The following SYTL3 variants were observed in gnomAD, a reference collection of about 807,000 sequenced individuals.
SYTL3 encodes the protein synaptotagmin-like protein 3.
SYTL3 carries 88 observed loss-of-function variants against 82.1 expected under a neutral mutation model. The observed-to-expected ratio is 1.07, with a 90% CI of 0.90 to 1.28. The LOEUF is 1.28. Among genes scored for constraint, SYTL3 ranks in the 50% most tolerant of loss-of-function variants. The pLI is 0.00. For missense variants in SYTL3, 831 were observed against 757.6 expected, an observed-to-expected ratio of 1.10 and a Z score of -1.14; for synonymous variants, 311 against 289.4, an observed-to-expected ratio of 1.07 and a Z score of -0.76.
rs575482122 is a variant in SYTL3 at position 158,764,639 on chromosome 6, G to A, written c.*35G>A. 8.1e-6 allele frequency: 12 copies of A among 1,477,260 alleles called. No homozygotes were observed. Among genetic ancestry groups the A allele is most frequent in the East Asian group, 4.5e-5 (2 of 44,226 alleles). 91.5% of individuals were successfully genotyped at this position (1,477,260 alleles called of 1,614,324 possible). A position where few individuals can be genotyped will look rare whatever the true frequency, so the allele number is the denominator to read the frequency against. ...CTCAAGGTTCCAGGTTGCAGCAGGC[G>A]TGAGGCACTGTGCGTCTGCAGAGGG... On this transcript the variant is annotated 3_prime_UTR_variant, in exon 18 of 18. Coordinates refer to ENST00000611299, the MANE Select transcript of SYTL3 (RefSeq NM_001242394.2).
intron 10 of SYTL3, among the ~76,000 whole-genome samples, chr6:158,721,697 A>C (rs1444057185): frequency 1.3e-5 from 2 of 152,142 alleles, no homozygotes; most frequent in Admixed American, 6.6e-5. Flanking sequence ...CGATGGCACA[A>C]TCTTGGCTCA....
intron 11 of SYTL3, among the ~76,000 whole-genome samples, chr6:158,737,030 A>G (rs1235631353): frequency 7.4e-6 from 1 of 135,402 alleles, no homozygotes; most frequent in Non-Finnish European, 1.6e-5. Flanking sequence ...TTTGTTATAC[A>G]TTTCATGGCA....
intron 5 of SYTL3, among the ~76,000 whole-genome samples, chr6:158,670,935 TGGGA>T (rs1210522620): frequency 6.6e-6 from 1 of 151,766 alleles, no homozygotes; most frequent in Non-Finnish European, 1.5e-5. Flanking sequence ...CCCAAATAGC[TGGGA>T]CTACAGGCGC....
At chr6:158,667,990 A>G (rs1381221672) in intron 5 of SYTL3, among the ~76,000 whole-genome samples, 1 of 152,220 alleles carries the variant, frequency 6.6e-6, no homozygotes, top group African/African-American at 2.4e-5. Context: ...CATGGTTGGA[A>G]TAGTCTTTTA....
chr6:158,668,573 G>A (rs950724621), intron 5 of SYTL3, among the ~76,000 whole-genome samples: 1 of 152,212 alleles, frequency 6.6e-6, no homozygotes, highest in Non-Finnish European at 1.5e-5. Context: ...CTCCAAGACA[G>A]TAGGAGCTGG....
At chr6:158,694,014 G>T (rs1162298876) in intron 6 of SYTL3, among the ~76,000 whole-genome samples, 2 of 151,982 alleles carry the variant, frequency 1.3e-5, no homozygotes, top group African/African-American at 4.8e-5. Flanking sequence ...TAAAGGAAAG[G>T]TGGATCCTAT....
chr6:158,697,786 C>A (rs769784378), intron 6 of SYTL3, among the ~76,000 whole-genome samples: 1 of 152,142 alleles, frequency 6.6e-6, no homozygotes, highest in Non-Finnish European at 1.5e-5. Context: ...CAGTCACCCT[C>A]GGCCTTGAGT....
At chr6:158,649,833 G>T (rs994683251), upstream of SYTL3, among the ~76,000 whole-genome samples, 2 of 152,186 alleles carry the variant, frequency 1.3e-5, no homozygotes, top group African/African-American at 4.8e-5. Flanking sequence ...CTTTCCTCCA[G>T]CTAAAAATGT....
intron 11 of SYTL3, among the ~76,000 whole-genome samples, chr6:158,729,683 CA>C (rs1325898927): frequency 6.6e-6 from 1 of 151,198 alleles, no homozygotes; most frequent in Non-Finnish European, 1.5e-5. Context: ...TCTCCTGCCT[CA>C]GCCTCCTGAG....
intron 11 of SYTL3, among the ~76,000 whole-genome samples, chr6:158,735,206 C>T (rs1368332631): frequency 1.3e-5 from 2 of 152,128 alleles, no homozygotes; most frequent in African/African-American, 4.8e-5. Flanking sequence ...AGTCCCTTTG[C>T]TGCTTAGGGA....
Position 158,663,364 on chromosome 6 carries a change from G to A in SYTL3, c.96G>A (p.Glu32=), listed in dbSNP as rs527438917. 2.5e-6 allele frequency: 4 copies of A among 1,613,810 alleles called. No homozygotes were observed. In the African/African-American group the frequency reaches 5.3e-5, roughly 22 times the overall value. The stretch of plus-strand genomic sequence containing the variant: ...GAGACCAGGCGGTTCAAAACACAGA[G>A]GAGGAGAGGACACGGTAGGCTGCCC... ...LYRDQAVQNT[E]EERTRKLKTH... Residue 32 remains glutamate (E), a synonymous_variant, in exon 4 of 18, where the codon GAG becomes GAA. Transcript: ENST00000611299.
At chr6:158,732,841 G>T (rs1785586737) in intron 11 of SYTL3, among the ~76,000 whole-genome samples, 1 of 151,742 alleles carries the variant, frequency 6.6e-6, no homozygotes, top group Admixed American at 6.6e-5. Context: ...TACTTATGCT[G>T]TAGTTCAATT....
intron 8 of SYTL3, among the ~76,000 whole-genome samples, chr6:158,711,514 C>T (rs995078456): frequency 1.1e-4 from 16 of 152,158 alleles, no homozygotes; most frequent in African/African-American, 3.1e-4. Flanking sequence ...CCCAAGGTGT[C>T]GGCGCCAGGA....
intron 6 of SYTL3, among the ~76,000 whole-genome samples, chr6:158,692,051 A>C (rs1354558769): frequency 9.6e-5 from 14 of 145,848 alleles, no homozygotes; most frequent in Admixed American, 6.8e-5. Flanking sequence ...AGGTCAGGAG[A>C]TCGAGACCAT....
At position 158,671,382 on chromosome 6, in the gene SYTL3, G is replaced by T. The variant is rs76519195; in HGVS notation, c.329+5769G>T. On this transcript the variant is annotated intron_variant, in intron 5 of 17. Coordinates refer to ENST00000611299, the MANE Select transcript of SYTL3 (RefSeq NM_001242394.2). ...TAGTTCAGCTGAAACCTGTCACCCT[G>T]TAAGGGAGGGGAGCCCCAAGAGAGT... Among the ~76,000 whole-genome samples, 59 of 152,278 alleles carry T rather than the reference G, an allele frequency of 3.9e-4. 1 individual carries two copies. The highest frequency in any genetic ancestry group is 2.2e-3 in the Admixed American group (34 of 15,284).
intron 6 of SYTL3, among the ~76,000 whole-genome samples, chr6:158,692,039 C>T (rs1335665892): frequency 2.1e-5 from 3 of 145,518 alleles, no homozygotes; most frequent in African/African-American, 7.5e-5. Flanking sequence ...GGGCGGATCA[C>T]GAGGTCAGGA....
At chr6:158,758,779 A>C (rs956116011) in intron 14 of SYTL3, among the ~76,000 whole-genome samples, 1 of 151,694 alleles carries the variant, frequency 6.6e-6, no homozygotes, top group Non-Finnish European at 1.5e-5. Context: ...GCCCAAGACG[A>C]CCCAAAACCC....
At chr6:158,755,645 G>C (rs1000583223) in intron 13 of SYTL3, among the ~76,000 whole-genome samples, 6 of 152,230 alleles carry the variant, frequency 3.9e-5, no homozygotes, top group Non-Finnish European at 8.8e-5. Flanking sequence ...CCGTGTCTCA[G>C]TTCCTGTTTT....
At chr6:158,670,681 G>A (rs1777266237) in intron 5 of SYTL3, among the ~76,000 whole-genome samples, 1 of 152,108 alleles carries the variant, frequency 6.6e-6, no homozygotes, top group South Asian at 2.1e-4. Context: ...TACTTGGGAG[G>A]CTGAGGTACA....
Sources: gnomAD v4.1 joint callset for allele counts (sites outside exome capture counted in the v4.1 genomes callset) on GRCh38, gnomAD v4.1.1 for gene constraint, MANE v1.5 for transcripts, NCBI Gene and HGNC (gene_info 2026-07-23, HGNC 2026-07-21) for gene names.